Variants in USP54 observed in about 807,000 individuals in gnomAD.
USP54 encodes the protein ubiquitin carboxyl-terminal hydrolase 54.
In USP54, 87 loss-of-function variants were observed where a neutral mutation model predicts 170.5. That is an observed-to-expected ratio of 0.51 (90% CI 0.43 to 0.61). The LOEUF (loss-of-function observed/expected upper bound fraction) is 0.61. Among genes scored for constraint, USP54 ranks in the 20% least tolerant of loss-of-function variants. The probability of loss-of-function intolerance (pLI) is 0.00; values close to 1 mark genes in which losing one functional copy is unlikely to be tolerated. For missense variants in USP54, 1,786 were observed against 2,047.8 expected (o/e 0.87, Z 2.47); for synonymous variants, 655 against 742.8 (o/e 0.88, Z 1.92).
At chr10:73,529,990 C>T (rs1430590380) in intron 14 of USP54, 79 bp from the exon 15 acceptor site, 5 of 1,484,618 alleles carry the variant, frequency 3.4e-6, no homozygotes, top group Non-Finnish European at 4.5e-6. Context: ...CTAGCTCCTC[C>T]CTCTAGCTAC....
intron 4 of USP54, among the ~76,000 whole-genome samples, chr10:73,568,921 G>A (rs925560069): frequency 1.3e-5 from 2 of 152,118 alleles, no homozygotes; most frequent in Non-Finnish European, 2.9e-5. Flanking sequence ...CTTATATAAT[G>A]ATACTGATTT....
chr10:73,575,372 C>T, intron 3 of USP54, 140 bp downstream of exon 3: 1 of 1,011,570 alleles, frequency 9.9e-7, no homozygotes, highest in Non-Finnish European at 1.3e-6. Flanking sequence ...CCAAAGATCA[C>T]ACAGATAAAT....
At chr10:73,556,428 C>T (rs527323210) in intron 4 of USP54, among the ~76,000 whole-genome samples, 3 of 150,782 alleles carry the variant, frequency 2.0e-5, no homozygotes, top group South Asian at 2.1e-4. Flanking sequence ...TTCACTGCAA[C>T]CTCCACCTCC....
chr10:73,559,936 T>C (rs561452053), intron 4 of USP54, among the ~76,000 whole-genome samples: 6 of 150,744 alleles, frequency 4.0e-5, no homozygotes, highest in Non-Finnish European at 8.9e-5. Flanking sequence ...CACCACCTAC[T>C]GGGGAGACAG....
intron 10 of USP54, among the ~76,000 whole-genome samples, chr10:73,538,825 G>A (rs1271167360): frequency 1.3e-5 from 2 of 151,838 alleles, no homozygotes; most frequent in Non-Finnish European, 2.9e-5. Context: ...AAAAAATAAA[G>A]TAAAATGCTT....
chr10:73,526,628 T>C lies in USP54; in HGVS notation c.2194+19A>G. On this transcript the variant is annotated intron_variant, in intron 16 of 23. Transcript: ENST00000687698. ...TGCCGGTCAAATCCAGTCCTCAAAT[T>C]CAGTGTCATTCTGCTTACCAGAGAA... The C allele has an allele frequency of 1.2e-6, 2 of 1,612,824 alleles. No individual in the cohort carries two copies. The highest frequency in any genetic ancestry group is 1.7e-6 in the Non-Finnish European group (2 of 1,179,518).
chr10:73,549,159 C>T (rs1262493681), intron 4 of USP54, among the ~76,000 whole-genome samples: 1 of 152,174 alleles, frequency 6.6e-6, no homozygotes, highest in African/African-American at 2.4e-5. Context: ...TATCAGTCTC[C>T]TTTGCTGGTT....
chr10:73,535,666 G>C (rs888874762), intron 11 of USP54, among the ~76,000 whole-genome samples: 1 of 152,112 alleles, frequency 6.6e-6, no homozygotes, highest in African/African-American at 2.4e-5. Context: ...TAACTTAGAA[G>C]TGAACAACTG....
At chr10:73,582,540 C>T (rs560545986) in intron 1 of USP54, among the ~76,000 whole-genome samples, 5 of 152,146 alleles carry the variant, frequency 3.3e-5, no homozygotes, top group Non-Finnish European at 5.9e-5. Flanking sequence ...TACAGGCATG[C>T]GCCACCATGC....
intron 10 of USP54, among the ~76,000 whole-genome samples, chr10:73,537,059 A>G: frequency 6.6e-6 from 1 of 152,232 alleles, no homozygotes; most frequent in Admixed American, 6.5e-5. Context: ...GAATCAATTC[A>G]ACCCAATCCT....
At chr10:73,548,312 G>T (rs564507098) in intron 4 of USP54, among the ~76,000 whole-genome samples, 5 of 152,184 alleles carry the variant, frequency 3.3e-5, no homozygotes, top group Non-Finnish European at 7.3e-5. Flanking sequence ...CACTGTGGAA[G>T]ACAGCGTGGC....
intron 15 of USP54, among the ~76,000 whole-genome samples, chr10:73,527,498 CAA>C (rs931778033): frequency 5.8e-5 from 3 of 52,138 alleles, no homozygotes; most frequent in African/African-American, 7.3e-5. Context: ...CACTCCATCT[CAA>C]AAAAAAAAAA....
At chr10:73,505,016 C>T (rs2058853127) in intron 21 of USP54, 26 bp from the exon 22 acceptor site, 2 of 1,613,750 alleles carry the variant, frequency 1.2e-6, no homozygotes, top group Middle Eastern at 1.6e-4. Context: ...CACATACAGG[C>T]AGACACATAA....
chr10:73,617,291 T>C (rs1170517652), intron 1 of USP54, among the ~76,000 whole-genome samples: 1 of 146,946 alleles, frequency 6.8e-6, no homozygotes, highest in East Asian at 2.0e-4. Flanking sequence ...AGCGAAACCC[T>C]GTCTCAAAAA....
In USP54 at chr10:73,576,294, C is replaced by T. The variant is rs1376545821; in HGVS notation, c.-514G>A. 1 of 152,076 alleles carries T rather than the reference C, an allele frequency of 6.6e-6. No homozygotes were observed. Among genetic ancestry groups the T allele is most frequent in the East Asian group, 1.9e-4 (1 of 5,198 alleles). The allele number at this position is 152,076 out of a possible 1,614,324, so 9.4% of individuals were successfully genotyped here. Reference sequence around the variant, plus strand: ...TTAATGTGCCCCAAACTTCTATTGTCCCATCCAGATCTTCAGCAAGTCTCT... The same window carrying T: ...TTAATGTGCCCCAAACTTCTATTGTTCCATCCAGATCTTCAGCAAGTCTCT... On this transcript the variant is annotated 5_prime_UTR_variant, in exon 2 of 24. Transcript: ENST00000687698.
At chr10:73,511,680 A>G (rs2060241759) in intron 20 of USP54, among the ~76,000 whole-genome samples, 1 of 151,852 alleles carries the variant, frequency 6.6e-6, no homozygotes, top group Non-Finnish European at 1.5e-5. Flanking sequence ...TAAATTTTAA[A>G]AAGTAATGTA....
intron 16 of USP54, among the ~76,000 whole-genome samples, chr10:73,524,201 C>A (rs1180538099): frequency 6.6e-6 from 1 of 151,812 alleles, no homozygotes; most frequent in African/African-American, 2.4e-5. Flanking sequence ...TGAGCCACTG[C>A]GCCTGGCCCA....
At chr10:73,579,185 A>AAATGATCC (rs1444312269) in intron 1 of USP54, among the ~76,000 whole-genome samples, 7 of 151,852 alleles carry the variant, frequency 4.6e-5, no homozygotes, top group African/African-American at 7.2e-5. Flanking sequence ...TCCTGACCTC[A>AAATGATCC]AATGATCCAC....
At chr10:73,597,994 G>C (rs2078866707) in intron 1 of USP54, among the ~76,000 whole-genome samples, 1 of 152,114 alleles carries the variant, frequency 6.6e-6, no homozygotes, top group Non-Finnish European at 1.5e-5. Flanking sequence ...TGAGGCAGGA[G>C]AATCACCTGA....
Sources: allele counts gnomAD v4.1 joint callset (sites outside exome capture counted in the v4.1 genomes callset), GRCh38; gene constraint gnomAD v4.1.1; transcripts MANE v1.5; gene names NCBI Gene and HGNC (gene_info 2026-07-23, HGNC 2026-07-21).